HSD17B12: variants seen among roughly 807,000 people sequenced by gnomAD.
The protein encoded by HSD17B12 is hydroxysteroid 17-beta dehydrogenase 12.
In HSD17B12, 32 loss-of-function variants were observed where a neutral mutation model predicts 39.3. The ratio of observed to expected loss-of-function variants is 0.81; its 90% confidence interval spans 0.61 to 1.09. HSD17B12 has a LOEUF of 1.09. Ranked by LOEUF, HSD17B12 falls within the 50% of genes least tolerant of loss-of-function variation. The probability of loss-of-function intolerance (pLI) is 0.00; values close to 1 mark genes in which losing one functional copy is unlikely to be tolerated. For synonymous variants in HSD17B12, 150 were observed against 146.7 expected, an observed-to-expected ratio of 1.02 and a Z score of -0.16; for missense variants, 342 against 382.9, an observed-to-expected ratio of 0.89 and a Z score of 0.89.
At chr11:43,812,506 TG>T (rs1367672934) in intron 4 of HSD17B12, among the ~76,000 whole-genome samples, 1 of 152,242 alleles carries the variant, frequency 6.6e-6, no homozygotes. Flanking sequence ...GCTGGCCATT[TG>T]TATGTCTTCT....
At chr11:43,690,380 ATATATATATATATATATATATATAT>A (rs1486907561) in intron 1 of HSD17B12, among the ~76,000 whole-genome samples, 3 of 8,416 alleles carry the variant, frequency 3.6e-4, no homozygotes, top group East Asian at 4.1e-3. Context: ...ATATATATAT[ATATATATATATATATATATATATAT>A]TTTTTTTTTT....
chr11:43,692,325 G>A (rs1949870239), intron 1 of HSD17B12, among the ~76,000 whole-genome samples: 2 of 152,118 alleles, frequency 1.3e-5, no homozygotes, highest in Non-Finnish European at 2.9e-5. Context: ...ATGCTAGATT[G>A]AAAATAAACC....
At chr11:43,842,989 A>C (rs1458839641) in intron 9 of HSD17B12, among the ~76,000 whole-genome samples, 1 of 152,234 alleles carries the variant, frequency 6.6e-6, no homozygotes, top group Non-Finnish European at 1.5e-5. Context: ...TGGTGTGACT[A>C]GAAGCTACTG....
chr11:43,745,353 G>A (rs968451007), intron 1 of HSD17B12, among the ~76,000 whole-genome samples: 28 of 152,132 alleles, frequency 1.8e-4, no homozygotes, highest in East Asian at 3.9e-4. Flanking sequence ...GTGACTTTAT[G>A]TAGTTTCATT....
intron 1 of HSD17B12, chr11:43,718,607 T>G: frequency 3.4e-6 from 2 of 584,970 alleles, no homozygotes; most frequent in South Asian, 3.9e-5. Context: ...TTGAAATTCA[T>G]CTGGGCACAT....
At chr11:43,679,727 C>A (rs1020360026), upstream of HSD17B12, among the ~76,000 whole-genome samples, 1 of 152,202 alleles carries the variant, frequency 6.6e-6, no homozygotes, top group African/African-American at 2.4e-5. Context: ...ATTTTTCATT[C>A]ACCATACAGC....
the HSD17B12 span, among the ~76,000 whole-genome samples, chr11:43,624,171 G>C: frequency 6.6e-6 from 1 of 151,942 alleles, no homozygotes; most frequent in Non-Finnish European, 1.5e-5. Context: ...AGTTTGAAGA[G>C]GGCCATAGGA....
intron 1 of HSD17B12, among the ~76,000 whole-genome samples, chr11:43,686,002 C>G (rs993319125): frequency 6.6e-6 from 1 of 152,142 alleles, no homozygotes; most frequent in Non-Finnish European, 1.5e-5. Context: ...TGAGAAAATA[C>G]TGGAAAGTTA....
At chr11:43,589,259 A>G in the HSD17B12 span, among the ~76,000 whole-genome samples, 3 of 152,130 alleles carry the variant, frequency 2.0e-5, no homozygotes, top group Non-Finnish European at 4.4e-5. Flanking sequence ...TCCTCCTAAA[A>G]CACTCCTGCC....
chr11:43,810,910 G>A (rs1951067192), intron 4 of HSD17B12, among the ~76,000 whole-genome samples: 2 of 152,192 alleles, frequency 1.3e-5, no homozygotes, highest in Non-Finnish European at 2.9e-5. Flanking sequence ...GCTAATTTAA[G>A]ATGCGACCAT....
intron 4 of HSD17B12, among the ~76,000 whole-genome samples, chr11:43,808,941 C>T (rs1191177389): frequency 6.6e-6 from 1 of 152,182 alleles, no homozygotes; most frequent in Admixed American, 6.5e-5. Flanking sequence ...GCATCACTTT[C>T]CAAACTCTCT....
chr11:43,739,305 A>G (rs1950343633), intron 1 of HSD17B12, among the ~76,000 whole-genome samples: 1 of 152,206 alleles, frequency 6.6e-6, no homozygotes, highest in African/African-American at 2.4e-5. Flanking sequence ...AGGAAGGCTT[A>G]ATGGGAGATG....
intron 6 of HSD17B12, among the ~76,000 whole-genome samples, chr11:43,821,711 A>G (rs1951184828): frequency 6.6e-6 from 1 of 152,194 alleles, no homozygotes; most frequent in Admixed American, 6.5e-5. Flanking sequence ...GAGGCAGACA[A>G]ATGTAGGTTT....
chr11:43,574,813 C>T, the HSD17B12 span, among the ~76,000 whole-genome samples: 1 of 152,182 alleles, frequency 6.6e-6, no homozygotes, highest in Admixed American at 6.5e-5. Flanking sequence ...CGTCACCTCG[C>T]CTTAAAAAGT....
chr11:43,788,661 C>A, intron 3 of HSD17B12, among the ~76,000 whole-genome samples: 1 of 137,890 alleles, frequency 7.3e-6, no homozygotes. Context: ...GTATCTTCTA[C>A]TCTGCCACCG....
At chr11:43,732,430 G>A (rs932378765) in intron 1 of HSD17B12, among the ~76,000 whole-genome samples, 6 of 152,104 alleles carry the variant, frequency 3.9e-5, no homozygotes, top group Non-Finnish European at 7.4e-5. Context: ...GCAAAAGGAA[G>A]GGGCAGCAGT....
At chr11:43,620,152 C>A in the HSD17B12 span, among the ~76,000 whole-genome samples, 1 of 152,206 alleles carries the variant, frequency 6.6e-6, no homozygotes, top group Admixed American at 6.5e-5. Context: ...GCAGGCCTCT[C>A]AATGTCTGTA....
chr11:43,788,671 G>T (rs867178156), intron 3 of HSD17B12, among the ~76,000 whole-genome samples: 10 of 118,860 alleles, frequency 8.4e-5, no homozygotes, highest in African/African-American at 3.0e-4. Context: ...CTCTGCCACC[G>T]TCATTTCCTT....
At chr11:43,808,779 T>C (rs1951042256) in intron 4 of HSD17B12, among the ~76,000 whole-genome samples, 1 of 152,212 alleles carries the variant, frequency 6.6e-6, no homozygotes, top group South Asian at 2.1e-4. Context: ...TCTTGTAAAC[T>C]CTCTTTTATT....
Sources: gnomAD v4.1 joint callset for allele counts (sites outside exome capture counted in the v4.1 genomes callset) on GRCh38, gnomAD v4.1.1 for gene constraint, MANE v1.5 for transcripts, NCBI Gene and HGNC (gene_info 2026-07-23, HGNC 2026-07-21) for gene names.